The following SNTG1 variants were observed in gnomAD, a reference collection of about 807,000 sequenced individuals.
The protein encoded by SNTG1 is gamma-1-syntrophin.
In SNTG1, 39 loss-of-function variants were observed where a neutral mutation model predicts 74.7. The observed-to-expected ratio is 0.52, with a 90% confidence interval of 0.40 to 0.68. The LOEUF is 0.68. SNTG1 is among the 30% of genes least tolerant of loss of function. SNTG1 has a pLI of 0.00. For missense variants in SNTG1, 685 were observed against 609.5 expected (o/e 1.12, Z -1.30); for synonymous variants, 254 against 217.1 (o/e 1.17, Z -1.49).
At chr8:50,501,153 C>A (rs182139432) in intron 8 of SNTG1, among the ~76,000 whole-genome samples, 11 of 151,978 alleles carry the variant, frequency 7.2e-5, no homozygotes, top group African/African-American at 2.2e-4. Flanking sequence ...GGTATTAGTG[C>A]GGCTCCTTTA....
Position 50,481,707 on chromosome 8 carries a change from A to G in SNTG1, c.364-21071A>G, listed in dbSNP as rs1207422163. Among the ~76,000 whole-genome samples the G allele has an allele frequency of 2.0e-5, 3 of 152,212 alleles. No individual in the cohort carries two copies. The East Asian group carries it at 5.8e-4, about 29-fold the overall frequency. On this transcript the variant is annotated intron_variant, in intron 8 of 18. Transcript: ENST00000642720. Reference sequence around the variant, plus strand: ...TGATTTTAGATACTTTTCCTCATCAATAATTGGAATAAAGTTATGTACTTC... The same window carrying G: ...TGATTTTAGATACTTTTCCTCATCAGTAATTGGAATAAAGTTATGTACTTC...
intron 2 of SNTG1, among the ~76,000 whole-genome samples, chr8:50,256,908 G>A (rs1327383162): frequency 1.3e-5 from 2 of 152,132 alleles, no homozygotes; most frequent in East Asian, 3.9e-4. Context: ...ACAATAATCT[G>A]TGACATTTGA....
At chr8:50,451,678 A>G (rs2093459291) in intron 8 of SNTG1, among the ~76,000 whole-genome samples, 1 of 152,218 alleles carries the variant, frequency 6.6e-6, no homozygotes, top group African/African-American at 2.4e-5. Flanking sequence ...TGTGGATTTT[A>G]GCAACCGGCC....
chr8:50,740,886 A>G (rs191407296), intron 17 of SNTG1, among the ~76,000 whole-genome samples: 116 of 152,182 alleles, frequency 7.6e-4, no homozygotes, highest in African/African-American at 2.6e-3. Context: ...AACCAATACA[A>G]GAACAGAAAA....
chr8:49,995,381 G>A (rs950743416), intron 1 of SNTG1, among the ~76,000 whole-genome samples: 3 of 152,212 alleles, frequency 2.0e-5, no homozygotes, highest in Non-Finnish European at 4.4e-5. Flanking sequence ...AGAAGGTTAT[G>A]TTTGAGAATA....
At chr8:50,682,747 A>G (rs533266880) in intron 15 of SNTG1, among the ~76,000 whole-genome samples, 6 of 152,214 alleles carry the variant, frequency 3.9e-5, no homozygotes, top group African/African-American at 1.2e-4. Context: ...CTGTCCCCCA[A>G]CACCCTCAGG....
At chr8:50,577,973 T>A (rs1214744797) in intron 12 of SNTG1, among the ~76,000 whole-genome samples, 1 of 152,164 alleles carries the variant, frequency 6.6e-6, no homozygotes, top group African/African-American at 2.4e-5. Context: ...AAAATGGCAT[T>A]ATGTTTATTC....
intron 2 of SNTG1, among the ~76,000 whole-genome samples, chr8:50,376,756 T>G (rs7821600): frequency 0.44 from 39,770 of 89,828 alleles, 8,420 homozygotes; most frequent in Admixed American, 0.48. Flanking sequence ...TATATATATA[T>G]AGAGAGAGAG....
chr8:50,734,612 A>T (rs1157853189), intron 17 of SNTG1, among the ~76,000 whole-genome samples: 1 of 149,100 alleles, frequency 6.7e-6, no homozygotes, highest in African/African-American at 2.4e-5. Flanking sequence ...AAATGGTGGC[A>T]CTTTCTCTCT....
At chr8:50,600,860 T>C (rs926281588) in intron 13 of SNTG1, among the ~76,000 whole-genome samples, 18 of 151,812 alleles carry the variant, frequency 1.2e-4, no homozygotes, top group Middle Eastern at 3.2e-3. Context: ...TGCTGTTGCT[T>C]GTCTAGTTCT....
chr8:50,207,900 T>G (rs1276514054), intron 2 of SNTG1, among the ~76,000 whole-genome samples: 1 of 152,240 alleles, frequency 6.6e-6, no homozygotes, highest in African/African-American at 2.4e-5. Flanking sequence ...TAATCCTGAG[T>G]TCTAGTTTGA....
chr8:50,448,497 C>G (rs569442255), intron 5 of SNTG1, among the ~76,000 whole-genome samples: 1 of 152,214 alleles, frequency 6.6e-6, no homozygotes, highest in South Asian at 2.1e-4. Context: ...AGAACAACCT[C>G]AATGGAATTC....
chr8:50,613,549 G>A (rs971629469), intron 13 of SNTG1, among the ~76,000 whole-genome samples: 8 of 152,128 alleles, frequency 5.3e-5, no homozygotes, highest in African/African-American at 1.9e-4. Flanking sequence ...ATGAATTGAT[G>A]AATACAGATA....
chr8:50,186,184 T>C (rs1001660772), intron 2 of SNTG1, among the ~76,000 whole-genome samples: 4 of 152,124 alleles, frequency 2.6e-5, no homozygotes, highest in Admixed American at 2.6e-4. Context: ...ATGATCTCAT[T>C]CTTTTTTATG....
At chr8:50,013,455 G>A (rs1321980947) in intron 1 of SNTG1, among the ~76,000 whole-genome samples, 2 of 147,316 alleles carry the variant, frequency 1.4e-5, no homozygotes, top group South Asian at 2.2e-4. Context: ...CCTCCAGAAT[G>A]GGGATAGAGA....
chr8:49,955,665 C>T (rs1478703872), intron 1 of SNTG1, among the ~76,000 whole-genome samples: 1 of 152,134 alleles, frequency 6.6e-6, no homozygotes, highest in African/African-American at 2.4e-5. Context: ...GGAGGAGTTC[C>T]CAATATTCGC....
chr8:50,041,754 G>A (rs990933343), intron 1 of SNTG1, among the ~76,000 whole-genome samples: 1 of 152,052 alleles, frequency 6.6e-6, no homozygotes, highest in Non-Finnish European at 1.5e-5. Context: ...TTCTAGATGT[G>A]GTATTTCATA....
chr8:50,744,469 ATAT>A (rs1290369254), intron 17 of SNTG1, among the ~76,000 whole-genome samples: 1 of 152,008 alleles, frequency 6.6e-6, no homozygotes, highest in African/African-American at 2.4e-5. Context: ...ATTGAAAGAC[ATAT>A]TATTATTAAG....
chr8:50,645,221 A>G (rs575321827), intron 13 of SNTG1, among the ~76,000 whole-genome samples: 1 of 95,638 alleles, frequency 1.0e-5, no homozygotes, highest in Non-Finnish European at 2.1e-5. Context: ...TAACAGTTAA[A>G]TTCACTTAAT....
Sources: gnomAD v4.1 joint callset for allele counts (sites outside exome capture counted in the v4.1 genomes callset) on GRCh38, gnomAD v4.1.1 for gene constraint, MANE v1.5 for transcripts, NCBI Gene and HGNC (gene_info 2026-07-23, HGNC 2026-07-21) for gene names.